BAIAP2: variants seen among roughly 807,000 people sequenced by gnomAD.
The protein encoded by BAIAP2 is BAR/IMD domain containing adaptor protein 2.
BAIAP2 carries 18 observed loss-of-function variants against 63.0 expected under a neutral mutation model. That is an observed-to-expected ratio of 0.29 (90% CI 0.20 to 0.42). The LOEUF (loss-of-function observed/expected upper bound fraction) is 0.42, where lower values mean the gene tolerates loss of function less well. BAIAP2 is among the 10% of genes least tolerant of loss of function. The pLI, the probability that BAIAP2 is intolerant of heterozygous loss-of-function variation, is 1.00. For missense variants in BAIAP2, 610 were observed against 734.3 expected (o/e 0.83, Z 1.96); for synonymous variants, 386 against 307.6 (o/e 1.25, Z -2.67).
intron 6 of BAIAP2, among the ~76,000 whole-genome samples, chr17:81,099,341 G>A (rs764933776): frequency 7.2e-5 from 11 of 152,120 alleles, no homozygotes; most frequent in Non-Finnish European, 1.5e-4. Context: ...AGGAGATGAG[G>A]TGCGCCCGGA....
chr17:81,066,927 G>A (rs1286724201), intron 3 of BAIAP2, among the ~76,000 whole-genome samples: 2 of 152,214 alleles, frequency 1.3e-5, no homozygotes, highest in Non-Finnish European at 2.9e-5. Context: ...AGGCCCTCAC[G>A]GCAGGGCCTT....
At chr17:81,080,953 C>T (rs1290365894) in intron 3 of BAIAP2, among the ~76,000 whole-genome samples, 1 of 152,242 alleles carries the variant, frequency 6.6e-6, no homozygotes, top group African/African-American at 2.4e-5. Flanking sequence ...GCCCCCACGC[C>T]AGGATAGGGG....
At chr17:81,037,110 G>C in intron 1 of BAIAP2, 1 of 715,130 alleles carries the variant, frequency 1.4e-6, no homozygotes. Context: ...AAAACTCTTA[G>C]GACTGAGTGT....
chr17:81,093,573 G>A (rs570207036), intron 6 of BAIAP2, among the ~76,000 whole-genome samples: 8 of 152,198 alleles, frequency 5.3e-5, no homozygotes, highest in South Asian at 2.1e-4. Context: ...TGGGGGCTCC[G>A]TAGCACCGGC....
intron 1 of BAIAP2, among the ~76,000 whole-genome samples, chr17:81,043,621 C>T (rs904683754): frequency 1.3e-5 from 2 of 152,136 alleles, no homozygotes; most frequent in Non-Finnish European, 2.9e-5. Context: ...TCCTGGCACC[C>T]GGGAGGCCCT....
In BAIAP2 at chr17:81,116,611, C is replaced by T. The variant is rs762543258; in HGVS notation, c.*772C>T. 4.1e-5 allele frequency: 18 copies of T among 436,866 alleles called. No individual in the cohort carries two copies. Among genetic ancestry groups the T allele is most frequent in the African/African-American group, 9.9e-5 (5 of 50,650 alleles). The allele number at this position is 436,866 out of a possible 1,614,324, so 27.1% of individuals were successfully genotyped here. A position where few individuals can be genotyped will look rare whatever the true frequency, so the allele number is the denominator to read the frequency against. The stretch of plus-strand genomic sequence containing the variant: ...TGGCAGGTGGGGGCTTCCCCGCTTC[C>T]GGGGTCTGCCCCAGGACTCCTGGGT... On this transcript the variant is annotated 3_prime_UTR_variant, in exon 14 of 14. Coordinates refer to ENST00000428708, the MANE Select transcript of BAIAP2 (RefSeq NM_001144888.2).
At chr17:81,053,565 A>C (rs977181110) in intron 1 of BAIAP2, 103 bp from the exon 2 acceptor site, 2 of 1,271,604 alleles carry the variant, frequency 1.6e-6, no homozygotes, top group African/African-American at 2.9e-5. Flanking sequence ...GTCGACCCCC[A>C]GGAGGGGTGC....
At chr17:81,110,285 G>A (rs745629265) in intron 13 of BAIAP2, 22 of 985,854 alleles carry the variant, frequency 2.2e-5, no homozygotes, top group South Asian at 9.4e-5. Context: ...AGGGCGGACC[G>A]GGCCCTGTGT....
intron 3 of BAIAP2, among the ~76,000 whole-genome samples, chr17:81,079,432 GAA>G (rs1259845882): frequency 6.6e-6 from 1 of 152,158 alleles, no homozygotes; most frequent in Non-Finnish European, 1.5e-5. Flanking sequence ...GTAGGTGGTT[GAA>G]AAGAGAGAGG....
intron 6 of BAIAP2, chr17:81,098,069 TC>T (rs1568164313): frequency 8.0e-7 from 1 of 1,254,532 alleles, no homozygotes; most frequent in East Asian, 3.0e-5. Context: ...AGGCACATGA[TC>T]CCCAGGCCAG....
At chr17:81,110,469 C>G in intron 13 of BAIAP2, 1 of 1,007,564 alleles carries the variant, frequency 9.9e-7, no homozygotes, top group Non-Finnish European at 1.2e-6. Flanking sequence ...TGAATTGTGC[C>G]CTGTACTGCA....
intron 13 of BAIAP2, chr17:81,110,486 T>A (rs2059790052): frequency 2.3e-5 from 24 of 1,027,248 alleles, no homozygotes; most frequent in Non-Finnish European, 2.8e-5. Context: ...TGCAGTTACT[T>A]GTTTGAATAA....
chr17:81,116,131 C>CTGAGT lies in BAIAP2; in HGVS notation c.*294_*298dup. On this transcript the variant is annotated 3_prime_UTR_variant, in exon 14 of 14. Coordinates refer to ENST00000428708, the MANE Select transcript of BAIAP2 (RefSeq NM_001144888.2). ...CATGGCCATGGAGCCTTGGGTACCC[C>CTGAGT]TGAGTTAAGGGAGGACATTTGGCCA... 1 of 1,583,288 alleles carries CTGAGT rather than the reference C, an allele frequency of 6.3e-7. No individual in the cohort carries two copies.
chr17:81,061,533 C>CT (rs949658825), intron 3 of BAIAP2, among the ~76,000 whole-genome samples: 1 of 152,146 alleles, frequency 6.6e-6, no homozygotes, highest in African/African-American at 2.4e-5. Context: ...GGCGTGTCTT[C>CT]TTTTTTTGTC....
chr17:81,105,280 C>T (rs2059037977), intron 10 of BAIAP2: 1 of 159,262 alleles, frequency 6.3e-6, no homozygotes, highest in Admixed American at 6.2e-5. Flanking sequence ...CCATCGCCTC[C>T]CTGTGCCACT....
At chr17:81,088,360 G>T (rs1017138379) in intron 6 of BAIAP2, among the ~76,000 whole-genome samples, 2 of 152,236 alleles carry the variant, frequency 1.3e-5, no homozygotes, top group Non-Finnish European at 2.9e-5. Flanking sequence ...TGCCCTCGAG[G>T]CTCTGTGGGT....
intron 3 of BAIAP2, among the ~76,000 whole-genome samples, chr17:81,084,572 G>A (rs1161505035): frequency 3.9e-5 from 6 of 152,140 alleles, no homozygotes; most frequent in Non-Finnish European, 5.9e-5. Context: ...CCTGTCTCTC[G>A]CCTTTGCAGA....
chr17:81,058,394 A>G (rs2049986757), intron 3 of BAIAP2, among the ~76,000 whole-genome samples: 1 of 152,224 alleles, frequency 6.6e-6, no homozygotes, highest in East Asian at 1.9e-4. Flanking sequence ...CCTGGAGGGC[A>G]GGTTATGTTA....
chr17:81,104,392 G>GC (rs2058877168), intron 9 of BAIAP2, 122 bp from the exon 10 acceptor site: 1 of 1,125,058 alleles, frequency 8.9e-7, no homozygotes, highest in Non-Finnish European at 1.3e-6. Context: ...GGAGAGCTTA[G>GC]CCAGCCCACT....
Sources: allele counts gnomAD v4.1 joint callset (sites outside exome capture counted in the v4.1 genomes callset), GRCh38; gene constraint gnomAD v4.1.1; transcripts MANE v1.5; gene names NCBI Gene and HGNC (gene_info 2026-07-23, HGNC 2026-07-21).